Variants in MSRB3 observed in about 807,000 individuals in gnomAD.
MSRB3 encodes the protein methionine sulfoxide reductase B3, also known as methionine-R-sulfoxide reductase B3.
In MSRB3, 13 loss-of-function variants were observed where a neutral mutation model predicts 21.0. That is an observed-to-expected ratio of 0.62 (90% CI 0.40 to 0.98). MSRB3 has a LOEUF of 0.98. Among genes scored for constraint, MSRB3 ranks in the 50% least tolerant of loss-of-function variants. The probability of loss-of-function intolerance (pLI) is 0.00; values close to 1 mark genes in which losing one functional copy is unlikely to be tolerated. For missense variants in MSRB3, 199 were observed against 230.3 expected (o/e 0.86, Z 0.88); for synonymous variants, 87 against 88.6 (o/e 0.98, Z 0.10).
At chr12:65,333,096 A>G (rs1875535066) in intron 4 of MSRB3, among the ~76,000 whole-genome samples, 1 of 152,232 alleles carries the variant, frequency 6.6e-6, no homozygotes, top group African/African-American at 2.4e-5. Context: ...AGATAAACCA[A>G]AGAAAACACT....
chr12:65,293,050 T>G (rs1274192156), intron 1 of MSRB3, among the ~76,000 whole-genome samples: 1 of 152,182 alleles, frequency 6.6e-6, no homozygotes, highest in Non-Finnish European at 1.5e-5. Flanking sequence ...TGGCTGTGTC[T>G]TAGATACCAT....
chr12:65,303,044 C>T (rs55998378), intron 1 of MSRB3, among the ~76,000 whole-genome samples: 9 of 151,782 alleles, frequency 5.9e-5, no homozygotes, highest in Non-Finnish European at 1.3e-4. Context: ...CATTATTTGA[C>T]AAAACTCAAA....
intron 4 of MSRB3, among the ~76,000 whole-genome samples, chr12:65,345,371 C>A (rs1319982219): frequency 1.3e-5 from 2 of 151,910 alleles, no homozygotes; most frequent in Non-Finnish European, 2.9e-5. Context: ...TTGGGAAACA[C>A]CGAATTAAAA....
At chr12:65,305,591 C>T (rs1347173193) in intron 1 of MSRB3, among the ~76,000 whole-genome samples, 4 of 152,102 alleles carry the variant, frequency 2.6e-5, no homozygotes, top group Non-Finnish European at 5.9e-5. Flanking sequence ...AGACCTTAGG[C>T]CATTTACTTA....
intron 5 of MSRB3, among the ~76,000 whole-genome samples, chr12:65,449,153 C>G (rs550725558): frequency 4.3e-4 from 65 of 151,822 alleles, no homozygotes; most frequent in African/African-American, 1.4e-3. Context: ...CTCAGCCTCC[C>G]GAGTAGCTGG....
intron 5 of MSRB3, among the ~76,000 whole-genome samples, chr12:65,445,649 A>AT (rs11388948): frequency 0.62 from 86,872 of 140,608 alleles, 27,323 homozygotes; most frequent in Middle Eastern, 0.68. Flanking sequence ...CATATATATA[A>AT]TTTTTTTTTT....
intron 5 of MSRB3, among the ~76,000 whole-genome samples, chr12:65,434,526 T>C (rs2136669039): frequency 6.6e-6 from 1 of 152,010 alleles, no homozygotes; most frequent in Admixed American, 6.6e-5. Flanking sequence ...AGAATATTTA[T>C]GGAAAGCTTC....
chr12:65,356,890 T>C (rs1306969754), intron 4 of MSRB3, among the ~76,000 whole-genome samples: 6 of 151,954 alleles, frequency 3.9e-5, no homozygotes, highest in Non-Finnish European at 7.4e-5. Context: ...CTATCTCTTT[T>C]CAAGGCAGTT....
chr12:65,415,668 G>A (rs1880931709), intron 5 of MSRB3, among the ~76,000 whole-genome samples: 1 of 152,126 alleles, frequency 6.6e-6, no homozygotes, highest in African/African-American at 2.4e-5. Context: ...AGCATTTGTT[G>A]AACTGGTAAA....
intron 3 of MSRB3, among the ~76,000 whole-genome samples, chr12:65,327,557 A>AT (rs1301270748): frequency 6.6e-6 from 1 of 152,236 alleles, no homozygotes; most frequent in African/African-American, 2.4e-5. Flanking sequence ...CTCTCAGCTG[A>AT]TTCCAGCTCA....
intron 5 of MSRB3, among the ~76,000 whole-genome samples, chr12:65,408,615 C>T (rs188731140): frequency 1.7e-3 from 256 of 152,150 alleles, no homozygotes; most frequent in African/African-American, 5.7e-3. Flanking sequence ...GATATGGGGA[C>T]GGGGAGTGCA....
chr12:65,389,550 A>G (rs888211878), intron 5 of MSRB3, among the ~76,000 whole-genome samples: 1 of 152,138 alleles, frequency 6.6e-6, no homozygotes, highest in African/African-American at 2.4e-5. Context: ...AATTCTTGCT[A>G]TCCTCACGTG....
chr12:65,315,745 A>G (rs1874258318), intron 2 of MSRB3, among the ~76,000 whole-genome samples: 1 of 151,706 alleles, frequency 6.6e-6, no homozygotes, highest in Non-Finnish European at 1.5e-5. Flanking sequence ...TAAGAGATAT[A>G]CTTTTATAGA....
intron 5 of MSRB3, among the ~76,000 whole-genome samples, chr12:65,390,697 G>A (rs1879435091): frequency 6.6e-6 from 1 of 151,964 alleles, no homozygotes; most frequent in Admixed American, 6.6e-5. Flanking sequence ...ATTTATTGTG[G>A]CAAAAAAACC....
chr12:65,278,992 G>A (rs1215811666), intron 1 of MSRB3, 127 bp downstream of exon 1: 7 of 1,489,202 alleles, frequency 4.7e-6, no homozygotes, highest in Non-Finnish European at 4.5e-6. Flanking sequence ...GCCACCTGCG[G>A]GGACAGCCCC....
At chr12:65,334,066 C>G (rs1875605274) in intron 4 of MSRB3, among the ~76,000 whole-genome samples, 1 of 152,144 alleles carries the variant, frequency 6.6e-6, no homozygotes, top group South Asian at 2.1e-4. Context: ...AGCGGATAAA[C>G]CTCAACACTA....
intron 4 of MSRB3, among the ~76,000 whole-genome samples, chr12:65,332,241 C>A (rs1875470969): frequency 6.6e-6 from 1 of 151,778 alleles, no homozygotes; most frequent in East Asian, 1.9e-4. Context: ...TATCAGGGGC[C>A]CTGTAGGTAA....
At chr12:65,428,604 A>G (rs1881724094) in intron 5 of MSRB3, among the ~76,000 whole-genome samples, 1 of 152,214 alleles carries the variant, frequency 6.6e-6, no homozygotes, top group African/African-American at 2.4e-5. Context: ...AAACAGGAGT[A>G]CGACATTATT....
chr12:65,395,691 A>G (rs1879741283), intron 5 of MSRB3, among the ~76,000 whole-genome samples: 1 of 152,202 alleles, frequency 6.6e-6, no homozygotes, highest in Non-Finnish European at 1.5e-5. Flanking sequence ...TCTTTAATAG[A>G]TATAAACCTG....
Sources: allele counts gnomAD v4.1 joint callset (sites outside exome capture counted in the v4.1 genomes callset), GRCh38; gene constraint gnomAD v4.1.1; transcripts MANE v1.5; gene names NCBI Gene and HGNC (gene_info 2026-07-23, HGNC 2026-07-21).